SOX5: variants seen among roughly 807,000 people sequenced by gnomAD.
SOX5 encodes SRY-box transcription factor 5, also known as transcription factor SOX-5.
Under a neutral mutation model 92.0 loss-of-function variants are expected in SOX5, and 9 were observed. The ratio of observed to expected loss-of-function variants is 0.10; its 90% CI spans 0.06 to 0.17. The LOEUF is 0.17. Among genes scored for constraint, SOX5 ranks in the 10% least tolerant of loss-of-function variants. The pLI, the probability that SOX5 is intolerant of heterozygous loss-of-function variation, is 1.00. For synonymous variants in SOX5, 344 were observed against 336.3 expected (o/e 1.02, Z -0.25); for missense variants, 642 against 944.5 (o/e 0.68, Z 4.20).
intron 4 of SOX5, among the ~76,000 whole-genome samples, chr12:23,745,582 C>T (rs2093954296): frequency 6.6e-6 from 1 of 152,146 alleles, no homozygotes; most frequent in African/African-American, 2.4e-5. Context: ...AATGTTCTAA[C>T]ATTATCCCAC....
At chr12:24,535,113 T>A (rs1951523146) in intron 1 of SOX5, among the ~76,000 whole-genome samples, 1 of 152,174 alleles carries the variant, frequency 6.6e-6, no homozygotes, top group African/African-American at 2.4e-5. Flanking sequence ...ACCACCTCCA[T>A]CACTGAATTC....
chr12:23,912,821 AG>A (rs1460290683), intron 1 of SOX5, among the ~76,000 whole-genome samples: 1 of 150,156 alleles, frequency 6.7e-6, no homozygotes, highest in Non-Finnish European at 1.5e-5. Context: ...GTGGTTGTCT[AG>A]GGTAGGGTAT....
chr12:23,764,400 G>A (rs533714834), intron 3 of SOX5, among the ~76,000 whole-genome samples: 9 of 152,102 alleles, frequency 5.9e-5, no homozygotes, highest in African/African-American at 2.2e-4. Context: ...ATGTCATAAA[G>A]TATACAAGAA....
intron 1 of SOX5, among the ~76,000 whole-genome samples, chr12:24,555,137 T>C (rs367920027): frequency 3.9e-5 from 6 of 152,202 alleles, no homozygotes; most frequent in African/African-American, 1.4e-4. Context: ...CAGTGCTTTG[T>C]GGTGCTGCAA....
At chr12:23,903,960 T>A (rs890997206) in intron 1 of SOX5, among the ~76,000 whole-genome samples, 2 of 152,212 alleles carry the variant, frequency 1.3e-5, no homozygotes, top group African/African-American at 2.4e-5. Context: ...ATTTGATGCA[T>A]AAACAGAATT....
chr12:23,591,606 G>A lies in SOX5; in HGVS notation c.1164+12781C>T, dbSNP rs544958521. On this transcript the variant is annotated intron_variant, in intron 9 of 14. Coordinates refer to ENST00000451604, the MANE Select transcript of SOX5 (RefSeq NM_006940.6). ...CAGAATCATCATTTTTTAGAGAAACGACAGTGCTATTTGCATGAAAACTGG... is the reference window on the plus strand; with the variant it reads ...CAGAATCATCATTTTTTAGAGAAACAACAGTGCTATTTGCATGAAAACTGG... Among the ~76,000 whole-genome samples the A allele has an allele frequency of 1.6e-4, 24 of 152,146 alleles. No homozygotes were observed. In the South Asian group the frequency reaches 2.5e-3, roughly 16 times the overall value.
intron 4 of SOX5, among the ~76,000 whole-genome samples, chr12:24,070,030 G>A (rs1014560895): frequency 2.6e-5 from 4 of 152,076 alleles, no homozygotes; most frequent in African/African-American, 4.8e-5. Flanking sequence ...CGGGGAGAGC[G>A]CTCTGCTGAG....
At chr12:24,036,442 G>A (rs1341897644) in intron 4 of SOX5, among the ~76,000 whole-genome samples, 1 of 152,144 alleles carries the variant, frequency 6.6e-6, no homozygotes, top group Non-Finnish European at 1.5e-5. Context: ...GGTATACAGG[G>A]TTGATTTTCA....
chr12:24,348,196 C>A (rs1953576169), intron 2 of SOX5, among the ~76,000 whole-genome samples: 1 of 151,768 alleles, frequency 6.6e-6, no homozygotes, highest in Non-Finnish European at 1.5e-5. Context: ...AAAATGGATA[C>A]TCTAAAGTTT....
upstream of SOX5, among the ~76,000 whole-genome samples, chr12:23,951,608 TA>T (rs1395803183): frequency 6.6e-6 from 1 of 151,860 alleles, no homozygotes; most frequent in Non-Finnish European, 1.5e-5. Flanking sequence ...GATAATAACT[TA>T]ATATTTAATT....
At position 23,533,939 on chromosome 12, in the gene SOX5, T is replaced by C; in HGVS notation, c.*280A>G. The C allele has an allele frequency of 3.4e-6, 1 of 293,800 alleles. No homozygotes were observed. The highest frequency in any genetic ancestry group is 6.4e-6 in the Non-Finnish European group (1 of 157,272). The allele number at this position is 293,800 out of a possible 1,614,324, so 18.2% of individuals were successfully genotyped here. On this transcript the variant is annotated 3_prime_UTR_variant, in exon 15 of 15. Transcript: ENST00000451604. ...AAAAAAAAAAGTTGACGGGTAAGAC[T>C]TCAGTGCTTGGATGTAGCAGCTGAA... is the stretch of plus-strand genomic sequence containing the variant.
At chr12:23,585,068 C>G (rs1416634742) in intron 9 of SOX5, among the ~76,000 whole-genome samples, 1 of 152,024 alleles carries the variant, frequency 6.6e-6, no homozygotes, top group Non-Finnish European at 1.5e-5. Context: ...TCGATAAATT[C>G]TAAGTTTTTC....
chr12:24,519,939 A>G (rs1950121887), intron 1 of SOX5, among the ~76,000 whole-genome samples: 3 of 152,260 alleles, frequency 2.0e-5, no homozygotes, highest in Admixed American at 2.0e-4. Flanking sequence ...GAGAAAAGTG[A>G]CTTGTCACAT....
intron 3 of SOX5, among the ~76,000 whole-genome samples, chr12:23,807,801 C>T (rs941172303): frequency 2.6e-5 from 4 of 151,976 alleles, no homozygotes; most frequent in African/African-American, 9.7e-5. Flanking sequence ...GTGCCCACCA[C>T]CATGCCCGGC....
intron 4 of SOX5, among the ~76,000 whole-genome samples, chr12:23,991,888 TA>T (rs1284109530): frequency 3.9e-5 from 6 of 152,166 alleles, no homozygotes; most frequent in Admixed American, 2.0e-4. Flanking sequence ...AACCTGGTTT[TA>T]ATACTATTTT....
chr12:24,095,148 GAGAGAGAGAC>G (rs1945233260), intron 4 of SOX5, among the ~76,000 whole-genome samples: 2 of 147,688 alleles, frequency 1.4e-5, no homozygotes, highest in East Asian at 1.9e-4. Context: ...GAGAGAGAGA[GAGAGAGAGAC>G]AGAGACAGAG....
chr12:24,264,498 C>A (rs776937397), intron 3 of SOX5, among the ~76,000 whole-genome samples: 5 of 152,136 alleles, frequency 3.3e-5, no homozygotes, highest in Non-Finnish European at 7.4e-5. Context: ...AATGGAAGAA[C>A]ACAGAATTCA....
intron 4 of SOX5, among the ~76,000 whole-genome samples, chr12:24,039,223 A>C (rs1956306217): frequency 6.6e-6 from 1 of 152,174 alleles, no homozygotes; most frequent in South Asian, 2.1e-4. Context: ...TAGCCACCCG[A>C]AAAAACACAC....
At position 23,968,485 on chromosome 12, in the gene SOX5, G is replaced by A. The variant is rs994168064; in HGVS notation, c.-1-72461C>T. On this transcript the variant is annotated intron_variant, in intron 4 of 4. Coordinates refer to the SOX5 transcript ENST00000446891. ...GAATGGATTAATGCTGTCATCGTGG[G>A]AGTGGGTTTGTTATCACGGGAGTGG... Among the ~76,000 whole-genome samples the A allele has an allele frequency of 3.9e-5, 6 of 152,258 alleles. No individual in the cohort carries two copies. In the South Asian group the frequency reaches 1.0e-3, roughly 26 times the overall value.
Sources: gnomAD v4.1 joint callset for allele counts (sites outside exome capture counted in the v4.1 genomes callset) on GRCh38, gnomAD v4.1.1 for gene constraint, MANE v1.5 for transcripts, NCBI Gene and HGNC (gene_info 2026-07-23, HGNC 2026-07-21) for gene names.